COL27A1: variants seen among roughly 807,000 people sequenced by gnomAD.
COL27A1 encodes the protein collagen type XXVII alpha 1 chain, also known as collagen alpha-1(XXVII) chain.
In COL27A1, 106 loss-of-function variants were observed where a neutral mutation model predicts 251.3. The ratio of observed to expected loss-of-function variants is 0.42; its 90% CI spans 0.36 to 0.50. COL27A1 has a LOEUF of 0.50. Ranked by LOEUF, COL27A1 falls within the 20% of genes least tolerant of loss-of-function variation. The pLI is 0.00. For synonymous variants in COL27A1, 1,000 were observed against 986.3 expected (o/e 1.01, Z -0.26); for missense variants, 2,325 against 2,522.8 (o/e 0.92, Z 1.68).
intron 10 of COL27A1, 59 bp downstream of exon 10, chr9:114,206,355 C>G: frequency 1.9e-6 from 3 of 1,552,634 alleles, no homozygotes; most frequent in Non-Finnish European, 1.8e-6. Flanking sequence ...TCACCTGTCC[C>G]TCCAGTGGGC....
rs939393280 is a variant in COL27A1 at position 114,269,092 on chromosome 9, T to C, written c.3502-149T>C. On this transcript the variant is annotated intron_variant, in intron 34 of 60. Coordinates refer to ENST00000356083, the MANE Select transcript of COL27A1 (RefSeq NM_032888.4). The stretch of plus-strand genomic sequence containing the variant: ...GGAACAGGAGCTCTGGTTGGTGTTT[T>C]ACGATTTCTCTGTGGTCCCTGGGAA... 36 of 574,216 alleles carry C rather than the reference T, an allele frequency of 6.3e-5. 1 individual carries two copies. The highest frequency in any genetic ancestry group is 2.3e-4 in the Admixed American group (7 of 30,576). 35.6% of individuals were successfully genotyped at this position (574,216 alleles called of 1,614,324 possible).
chr9:114,299,087 A>G (rs928081296), intron 49 of COL27A1, among the ~76,000 whole-genome samples: 6 of 152,148 alleles, frequency 3.9e-5, no homozygotes, highest in African/African-American at 1.2e-4. Context: ...TTTAAAAATG[A>G]ACAGGTAGAA....
In COL27A1 at chr9:114,168,493, C is replaced by T. The variant is rs779082252; in HGVS notation, c.938C>T (p.Ala313Val). Residue 313 changes from alanine (A) to valine (V), a missense_variant, in exon 3 of 61, where the codon GCG (alanine) becomes GTG (valine). Coordinates refer to ENST00000356083, the MANE Select transcript of COL27A1 (RefSeq NM_032888.4). ...TSPTNPHQHM[A>V]VGGPAQTPLL... ...CCCACAAACCCTCACCAGCATATGG[C>T]GGTGGGAGGCCCAGCCCAAACCCCG... 1.9e-4 allele frequency: 299 copies of T among 1,613,818 alleles called. No individual in the cohort carries two copies. The Middle Eastern group carries it at 3.1e-3, about 17-fold the overall frequency.
At chr9:114,190,662 A>G (rs1438723426) in intron 5 of COL27A1, among the ~76,000 whole-genome samples, 1 of 152,124 alleles carries the variant, frequency 6.6e-6, no homozygotes, top group Non-Finnish European at 1.5e-5. Context: ...TCCCAACCCT[A>G]CCTGCAGGAA....
rs1834771176 is a variant in COL27A1 at position 114,266,733 on chromosome 9, T to C, written c.3447+115T>C. 3 of 944,876 alleles carry C rather than the reference T, an allele frequency of 3.2e-6. No homozygotes were observed. The South Asian group carries it at 4.2e-5, about 13-fold the overall frequency. 58.5% of individuals were successfully genotyped at this position (944,876 alleles called of 1,614,324 possible). ...CATTCCCTGTCCTGGCCCAGGGAGA[T>C]GGTCATGTACCGTGTAGTTCAGAGA... On this transcript the variant is annotated intron_variant, in intron 33 of 60. Transcript: ENST00000356083.
chr9:114,170,872 G>C (rs537143714), intron 3 of COL27A1, among the ~76,000 whole-genome samples: 1 of 152,210 alleles, frequency 6.6e-6, no homozygotes, highest in Admixed American at 6.5e-5. Flanking sequence ...CGCTGTGTGC[G>C]TGCTGGGCTC....
Position 114,168,106 on chromosome 9 carries a change from C to A in COL27A1, c.551C>A (p.Pro184His). ...CGQRRVPVLL[P>H]FHRDPALDPG... The stretch of plus-strand genomic sequence containing the variant: ...CAGCGCCGGGTGCCTGTCCTGCTGC[C>A]TTTCCACAGGGACCCTGCACTCGAC... Residue 184 changes from proline to histidine, a missense_variant, in exon 3 of 61, where the codon CCT (proline) becomes CAT (histidine). Pro to His is a moderately conservative substitution (Grantham distance 77, BLOSUM62 -2). This residue lies in a region of COL27A1 where 1,183 missense variants were observed against 1,144.1 expected (regional missense o/e 1.03). Transcript: ENST00000356083. 1.2e-6 allele frequency: 2 copies of A among 1,612,390 alleles called. No homozygotes were observed. Among genetic ancestry groups the A allele is most frequent in the Non-Finnish European group, 1.7e-6 (2 of 1,180,032 alleles).
rs181684856 is a variant in COL27A1, at chr9:114,279,729, T to C, written c.3718-2548T>C. On this transcript the variant is annotated intron_variant, in intron 37 of 60. Transcript: ENST00000356083. ...TTAGCTGGGCGTGGTGGTGCATGCCTGTAGTCTTGGCTACTCGGGAGGCTG... is the reference window on the plus strand; with the variant it reads ...TTAGCTGGGCGTGGTGGTGCATGCCCGTAGTCTTGGCTACTCGGGAGGCTG... Among the ~76,000 whole-genome samples, 14 of 152,196 alleles carry C rather than the reference T, an allele frequency of 9.2e-5. No individual in the cohort carries two copies. The East Asian group carries it at 2.3e-3, about 25-fold the overall frequency.
chr9:114,301,622 G>A, intron 54 of COL27A1, 60 bp from the exon 55 acceptor site: 1 of 1,553,522 alleles, frequency 6.4e-7, no homozygotes, highest in Non-Finnish European at 8.7e-7. Flanking sequence ...GAGGGACTGG[G>A]TTGGGGAGAG....
intron 37 of COL27A1, among the ~76,000 whole-genome samples, chr9:114,276,632 C>CA (rs1835527296): frequency 6.6e-6 from 1 of 152,172 alleles, no homozygotes; most frequent in Non-Finnish European, 1.5e-5. Context: ...ACAACAACAA[C>CA]AAAACCAGTA....
intron 58 of COL27A1, chr9:114,307,402 C>G (rs1829131321): frequency 4.8e-6 from 2 of 413,888 alleles, no homozygotes; most frequent in Non-Finnish European, 8.8e-6. Flanking sequence ...TGTCAGTTGT[C>G]TTCTCTGTAA....
rs532806933 is a variant in COL27A1 at position 114,235,167 on chromosome 9, T to C, written c.2566-432T>C. Among the ~76,000 whole-genome samples, 4 of 149,384 alleles carry C rather than the reference T, an allele frequency of 2.7e-5. No individual in the cohort carries two copies. The East Asian group carries it at 7.9e-4, about 30-fold the overall frequency. On this transcript the variant is annotated intron_variant, in intron 16 of 60. Coordinates refer to ENST00000356083, the MANE Select transcript of COL27A1 (RefSeq NM_032888.4). Reference sequence around the variant, plus strand: ...AGGAAGTGACAGCTCAGTCTGATGGTGAAAAATTGAGCAGACACAAACGCT... The same window carrying C: ...AGGAAGTGACAGCTCAGTCTGATGGCGAAAAATTGAGCAGACACAAACGCT...
intron 14 of COL27A1, among the ~76,000 whole-genome samples, chr9:114,224,822 T>G (rs1831360391): frequency 6.6e-6 from 1 of 151,830 alleles, no homozygotes; most frequent in South Asian, 2.1e-4. Flanking sequence ...CCAGCTAATT[T>G]TAGTATTTTC....
chr9:114,224,167 T>C (rs1428652801), intron 14 of COL27A1, among the ~76,000 whole-genome samples: 1 of 152,232 alleles, frequency 6.6e-6, no homozygotes. Context: ...AAAAGAAATA[T>C]CTGCCATGGG....
intron 36 of COL27A1, among the ~76,000 whole-genome samples, chr9:114,274,934 A>G (rs1051826229): frequency 2.0e-5 from 3 of 151,826 alleles, no homozygotes; most frequent in Non-Finnish European, 4.4e-5. Flanking sequence ...TCTTGATGAA[A>G]ATTTCTTTCA....
chr9:114,282,141 T>G (rs1488724161), intron 37 of COL27A1, 136 bp from the exon 38 acceptor site: 2 of 714,964 alleles, frequency 2.8e-6, no homozygotes, highest in African/African-American at 1.7e-5. Flanking sequence ...CAAGGTCATG[T>G]GGGTACTGGG....
At chr9:114,264,436 T>C (rs1017400691) in intron 29 of COL27A1, 28 bp downstream of exon 29, 1 of 1,512,832 alleles carries the variant, frequency 6.6e-7, no homozygotes, top group African/African-American at 1.4e-5. Flanking sequence ...CTGCCCTTCC[T>C]CACTCCTCCG....
intron 41 of COL27A1, among the ~76,000 whole-genome samples, chr9:114,285,608 C>T (rs2130722): frequency 0.076 from 11,640 of 152,242 alleles, 664 homozygotes; most frequent in Admixed American, 0.18. Flanking sequence ...TGGTGACTCA[C>T]GCTGGCCCGG....
At chr9:114,198,713 G>T (rs1346092381) in intron 7 of COL27A1, among the ~76,000 whole-genome samples, 1 of 152,180 alleles carries the variant, frequency 6.6e-6, no homozygotes, top group African/African-American at 2.4e-5. Context: ...GCCCGAGAAG[G>T]TTTGTTTCTC....
Sources: allele counts gnomAD v4.1 joint callset (sites outside exome capture counted in the v4.1 genomes callset), GRCh38; gene constraint gnomAD v4.1.1; regional missense constraint gnomAD v4.1.1; transcripts MANE v1.5; gene names NCBI Gene and HGNC (gene_info 2026-07-23, HGNC 2026-07-21).